The following CPED1 variants were observed in gnomAD, a reference collection of about 807,000 sequenced individuals.
The protein encoded by CPED1 is cadherin like and PC-esterase domain containing 1, also known as cadherin-like and PC-esterase domain-containing protein 1.
A neutral mutation model predicts 128.2 loss-of-function variants in CPED1; 114 were observed. That is an observed-to-expected ratio of 0.89 (90% CI 0.76 to 1.04). CPED1 has a LOEUF of 1.04. Ranked by LOEUF, CPED1 falls within the 50% of genes least tolerant of loss-of-function variation. The probability of loss-of-function intolerance (pLI) is 0.00; values close to 1 mark genes in which losing one functional copy is unlikely to be tolerated. For synonymous variants in CPED1, 462 were observed against 426.7 expected (o/e 1.08, Z -1.02); for missense variants, 1,211 against 1,207.1 (o/e 1.00, Z -0.05).
At chr7:121,019,102 T>C (rs1792374815) in intron 3 of CPED1, among the ~76,000 whole-genome samples, 1 of 152,042 alleles carries the variant, frequency 6.6e-6, no homozygotes, top group African/African-American at 2.4e-5. Context: ...ATGACTTATA[T>C]ACTAGACACT....
At chr7:121,248,932 A>G (rs1798602734) in intron 18 of CPED1, among the ~76,000 whole-genome samples, 1 of 152,216 alleles carries the variant, frequency 6.6e-6, no homozygotes, top group Admixed American at 6.5e-5. Context: ...CAAGAAATCC[A>G]TAAAATGATT....
At chr7:120,994,021 T>A (rs1191800893) in intron 2 of CPED1, 1 of 231,000 alleles carries the variant, frequency 4.3e-6, no homozygotes, top group Non-Finnish European at 9.3e-6. Flanking sequence ...AGTAGGAGCT[T>A]CCAGGTCTGT....
intron 12 of CPED1, among the ~76,000 whole-genome samples, chr7:121,130,635 T>G (rs1036012812): frequency 2.0e-5 from 3 of 152,104 alleles, no homozygotes; most frequent in African/African-American, 7.2e-5. Context: ...ATGTGTTTTA[T>G]GAACCATCAG....
At chr7:121,060,070 C>T (rs1351881979) in intron 4 of CPED1, among the ~76,000 whole-genome samples, 2 of 152,270 alleles carry the variant, frequency 1.3e-5, no homozygotes, top group South Asian at 2.1e-4. Flanking sequence ...TCGGAGCAGC[C>T]GGCCGGCCCT....
At chr7:121,217,904 TG>T (rs1166806140) in intron 16 of CPED1, among the ~76,000 whole-genome samples, 1 of 152,018 alleles carries the variant, frequency 6.6e-6, no homozygotes. Flanking sequence ...TGTGTGTGCC[TG>T]TGTAGATGTG....
At chr7:121,267,165 A>G in intron 20 of CPED1, 50 bp from the exon 21 acceptor site, 1 of 999,432 alleles carries the variant, frequency 1.0e-6, no homozygotes, top group Non-Finnish European at 1.5e-6. Flanking sequence ...ACAAACATCT[A>G]GAAATGTAAT....
At chr7:121,024,856 C>CG (rs1244902445) in intron 3 of CPED1, among the ~76,000 whole-genome samples, 1 of 152,094 alleles carries the variant, frequency 6.6e-6, no homozygotes, top group Non-Finnish European at 1.5e-5. Context: ...CTCCTTCATA[C>CG]GGGAGCTTTC....
intron 7 of CPED1, among the ~76,000 whole-genome samples, chr7:121,120,048 T>C (rs1029557983): frequency 2.0e-5 from 3 of 152,224 alleles, no homozygotes; most frequent in Non-Finnish European, 4.4e-5. Flanking sequence ...ATTTTGTTTA[T>C]CCCTTCATCT....
At chr7:121,130,524 GACTCC>G (rs1159893984) in intron 12 of CPED1, among the ~76,000 whole-genome samples, 3 of 152,018 alleles carry the variant, frequency 2.0e-5, no homozygotes, top group African/African-American at 7.2e-5. Context: ...AACAAGACTT[GACTCC>G]ACTATAATGT....
intron 7 of CPED1, among the ~76,000 whole-genome samples, chr7:121,103,452 C>T (rs953696665): frequency 6.6e-6 from 1 of 152,110 alleles, no homozygotes; most frequent in African/African-American, 2.4e-5. Context: ...AACTGATGTA[C>T]TTGTTATTTC....
chr7:121,001,501 G>A (rs1032682499), intron 2 of CPED1, among the ~76,000 whole-genome samples: 2 of 152,086 alleles, frequency 1.3e-5, no homozygotes, highest in Admixed American at 6.6e-5. Context: ...ATGGTAATGT[G>A]TAACTATGGG....
chr7:121,054,423 G>A (rs1311077871), intron 4 of CPED1, among the ~76,000 whole-genome samples: 1 of 152,068 alleles, frequency 6.6e-6, no homozygotes, highest in Non-Finnish European at 1.5e-5. Context: ...TTTCAGAATT[G>A]TTAACCTATA....
At chr7:121,238,775 G>A (rs948772257) in intron 17 of CPED1, among the ~76,000 whole-genome samples, 7 of 150,326 alleles carry the variant, frequency 4.7e-5, no homozygotes, top group African/African-American at 1.5e-4. Context: ...ATATTACAGT[G>A]TACTCATTAA....
At chr7:121,174,303 A>G (rs879218259) in intron 16 of CPED1, among the ~76,000 whole-genome samples, 1 of 152,098 alleles carries the variant, frequency 6.6e-6, no homozygotes, top group Non-Finnish European at 1.5e-5. Context: ...GCTCATTCCT[A>G]TGCCTAGAAT....
At chr7:121,010,001 C>T (rs1792119246) in intron 2 of CPED1, among the ~76,000 whole-genome samples, 1 of 152,282 alleles carries the variant, frequency 6.6e-6, no homozygotes, top group African/African-American at 2.4e-5. Flanking sequence ...CTCATTTATT[C>T]ATCCATTCCT....
intron 16 of CPED1, among the ~76,000 whole-genome samples, chr7:121,161,901 CATTT>C (rs766042935): frequency 9.2e-5 from 14 of 152,136 alleles, no homozygotes; most frequent in Non-Finnish European, 1.9e-4. Flanking sequence ...AATTATTTCT[CATTT>C]ATTTATTTAC....
chr7:121,226,495 G>C (rs1337288998), intron 16 of CPED1, among the ~76,000 whole-genome samples: 1 of 152,010 alleles, frequency 6.6e-6, no homozygotes. Context: ...TGTATTGATG[G>C]ACACTTGAGA....
intron 12 of CPED1, among the ~76,000 whole-genome samples, chr7:121,133,598 C>T (rs1795720769): frequency 6.6e-6 from 1 of 151,922 alleles, no homozygotes. Context: ...GACTTTTTAC[C>T]CTGGTTTTCT....
At position 121,136,026 on chromosome 7, in the gene CPED1, CTTTTT is replaced by C; in HGVS notation, c.1649-7_1649-3del. The C allele has an allele frequency of 9.2e-7, 1 of 1,081,118 alleles. No homozygotes were observed. Among genetic ancestry groups the C allele is most frequent in the Non-Finnish European group, 1.3e-6 (1 of 790,288 alleles). The allele number at this position is 1,081,118 out of a possible 1,614,324, so 67.0% of individuals were successfully genotyped here. ...TGGTTTTTATTTTAAATTTACATTT[CTTTTT>C]TTTTTTAGCTGCAGTTCCACAAATT... is the stretch of plus-strand genomic sequence containing the variant. On this transcript the variant is annotated splice_polypyrimidine_tract_variant and intron_variant, in intron 13 of 22. Coordinates refer to ENST00000310396, the MANE Select transcript of CPED1 (RefSeq NM_024913.5).
Sources: gnomAD v4.1 joint callset for allele counts (sites outside exome capture counted in the v4.1 genomes callset) on GRCh38, gnomAD v4.1.1 for gene constraint, MANE v1.5 for transcripts, NCBI Gene and HGNC (gene_info 2026-07-23, HGNC 2026-07-21) for gene names.